Variants in MB21D2 observed in about 807,000 individuals in gnomAD.
MB21D2 encodes the protein nucleotidyltransferase MB21D2.
In MB21D2, 9 loss-of-function variants were observed where a neutral mutation model predicts 33.3. The observed-to-expected ratio is 0.27, with a 90% CI of 0.16 to 0.47. The LOEUF is 0.47. Ranked by LOEUF, MB21D2 falls within the 20% of genes least tolerant of loss-of-function variation. The pLI, the probability that MB21D2 is intolerant of heterozygous loss-of-function variation, is 0.99. For synonymous variants in MB21D2, 241 were observed against 236.3 expected, an observed-to-expected ratio of 1.02 and a Z score of -0.18; for missense variants, 540 against 624.6, an observed-to-expected ratio of 0.86 and a Z score of 1.44.
chr3:192,877,513 C>T (rs1045310798), intron 1 of MB21D2, among the ~76,000 whole-genome samples: 4 of 152,330 alleles, frequency 2.6e-5, no homozygotes, highest in East Asian at 1.9e-4. Context: ...CTCTGCCCAT[C>T]GCGTATATCA....
In MB21D2 at chr3:192,917,635, A is replaced by C. The variant is rs776274092; in HGVS notation, c.206T>G (p.Met69Arg). The change falls in exon 1 of 2, where the codon ATG (methionine) becomes AGG (arginine). Residue 69 changes from methionine to arginine, a missense_variant. Met to Arg is a moderately conservative substitution (Grantham distance 91, BLOSUM62 -1). Transcript: ENST00000392452. ...IHTAKDFIFS[M>R]LGMVQKLDQK... is the part of the protein sequence containing the mutation. Reference sequence around the variant, plus strand: ...TCCCCCTTTTTCCTCCTTACCCAGCATGGAAAAGATGAAATCCTTGGCTGT... The same window carrying C: ...TCCCCCTTTTTCCTCCTTACCCAGCCTGGAAAAGATGAAATCCTTGGCTGT... The C allele has an allele frequency of 1.9e-6, 3 of 1,614,026 alleles. No homozygotes were observed. The East Asian group carries it at 6.7e-5, about 36-fold the overall frequency.
At chr3:192,884,599 C>T (rs930233442) in intron 1 of MB21D2, among the ~76,000 whole-genome samples, 8 of 152,048 alleles carry the variant, frequency 5.3e-5, no homozygotes, top group Admixed American at 2.0e-4. Flanking sequence ...GATCTCCTGA[C>T]CTCGTGATCT....
chr3:192,834,100 G>T (rs1209775173), intron 1 of MB21D2, among the ~76,000 whole-genome samples: 1 of 152,106 alleles, frequency 6.6e-6, no homozygotes, highest in Non-Finnish European at 1.5e-5. Context: ...CTGCCAATTT[G>T]TGTGAATGAA....
chr3:192,814,600 C>G (rs533809471), intron 1 of MB21D2, among the ~76,000 whole-genome samples: 2 of 152,106 alleles, frequency 1.3e-5, no homozygotes. Context: ...CGGTGGCTCA[C>G]ACCTGTAATC....
At chr3:192,871,337 A>C (rs569750208) in intron 1 of MB21D2, among the ~76,000 whole-genome samples, 1 of 152,342 alleles carries the variant, frequency 6.6e-6, no homozygotes, top group East Asian at 1.9e-4. Flanking sequence ...TACTAAATAT[A>C]GATTACTTAT....
intron 1 of MB21D2, among the ~76,000 whole-genome samples, chr3:192,824,650 T>C (rs2108617658): frequency 1.3e-5 from 2 of 152,332 alleles, no homozygotes; most frequent in Admixed American, 1.3e-4. Flanking sequence ...AGTTCAGCTA[T>C]GCAGCCCACA....
chr3:192,861,203 GAC>G (rs1459908841), intron 1 of MB21D2, among the ~76,000 whole-genome samples: 1 of 152,194 alleles, frequency 6.6e-6, no homozygotes, highest in Non-Finnish European at 1.5e-5. Flanking sequence ...ATGCAGATCT[GAC>G]CTCTGGGCTC....
chr3:192,856,613 G>T (rs1712923311), intron 1 of MB21D2, among the ~76,000 whole-genome samples: 1 of 152,078 alleles, frequency 6.6e-6, no homozygotes, highest in African/African-American at 2.4e-5. Context: ...GAGTGCAGTG[G>T]TGCAATCTCA....
intron 1 of MB21D2, among the ~76,000 whole-genome samples, chr3:192,913,257 C>T (rs1408518960): frequency 5.3e-5 from 8 of 150,512 alleles, no homozygotes; most frequent in South Asian, 2.1e-4. Flanking sequence ...ACTAGCCAGG[C>T]GTGGTGTTAC....
chr3:192,806,495 G>A (rs183364859), intron 1 of MB21D2, among the ~76,000 whole-genome samples: 29 of 152,286 alleles, frequency 1.9e-4, no homozygotes, highest in Admixed American at 5.2e-4. Flanking sequence ...AGGGTCAACC[G>A]TGAAGCATCT....
chr3:192,840,393 C>T (rs1476939295), intron 1 of MB21D2, among the ~76,000 whole-genome samples: 1 of 138,302 alleles, frequency 7.2e-6, no homozygotes, highest in Non-Finnish European at 1.6e-5. Flanking sequence ...GGGAGTATGA[C>T]AAAGACTTTT....
chr3:192,915,289 C>T (rs1401021490), intron 1 of MB21D2, among the ~76,000 whole-genome samples: 1 of 152,078 alleles, frequency 6.6e-6, no homozygotes, highest in South Asian at 2.1e-4. Flanking sequence ...AAAGCTATGG[C>T]AAGTGAAACA....
At chr3:192,913,098 T>C (rs1223955993) in intron 1 of MB21D2, among the ~76,000 whole-genome samples, 2 of 152,208 alleles carry the variant, frequency 1.3e-5, no homozygotes, top group African/African-American at 4.8e-5. Context: ...GCAGAAATAA[T>C]TCCAATTTAA....
chr3:192,871,911 C>T (rs1713311827), intron 1 of MB21D2, among the ~76,000 whole-genome samples: 1 of 152,072 alleles, frequency 6.6e-6, no homozygotes, highest in Non-Finnish European at 1.5e-5. Flanking sequence ...CTAGAAATGC[C>T]CTTGGGTACT....
intron 1 of MB21D2, among the ~76,000 whole-genome samples, chr3:192,859,013 T>G (rs1712978938): frequency 6.6e-6 from 1 of 152,130 alleles, no homozygotes; most frequent in Non-Finnish European, 1.5e-5. Flanking sequence ...ATTTTAAGGT[T>G]GAGAAAACTA....
chr3:192,814,053 G>A (rs1029544126), intron 1 of MB21D2, among the ~76,000 whole-genome samples: 1 of 151,996 alleles, frequency 6.6e-6, no homozygotes, highest in Non-Finnish European at 1.5e-5. Context: ...TTTTGCCTTC[G>A]TTTAAATAAG....
intron 1 of MB21D2, among the ~76,000 whole-genome samples, chr3:192,915,035 T>G (rs927844236): frequency 6.6e-6 from 1 of 152,156 alleles, no homozygotes; most frequent in Non-Finnish European, 1.5e-5. Flanking sequence ...TGAGGCAGTA[T>G]TTTTCTCAGC....
intron 1 of MB21D2, among the ~76,000 whole-genome samples, chr3:192,883,312 C>T (rs1053579582): frequency 2.8e-4 from 43 of 152,062 alleles, no homozygotes; most frequent in Admixed American, 2.6e-3. Context: ...TTGCCATGTA[C>T]TCATTTTATA....
At chr3:192,805,809 G>A (rs956771629) in intron 1 of MB21D2, among the ~76,000 whole-genome samples, 5 of 152,156 alleles carry the variant, frequency 3.3e-5, no homozygotes, top group East Asian at 1.9e-4. Context: ...GTGTCTAAGC[G>A]CATCGTAGAT....
Sources: gnomAD v4.1 joint callset for allele counts (sites outside exome capture counted in the v4.1 genomes callset) on GRCh38, gnomAD v4.1.1 for gene constraint, MANE v1.5 for transcripts, NCBI Gene and HGNC (gene_info 2026-07-23, HGNC 2026-07-21) for gene names.